SLIT3: variants seen among roughly 807,000 people sequenced by gnomAD.
The protein encoded by SLIT3 is slit homolog 3 protein.
In SLIT3, 68 loss-of-function variants were observed where a neutral mutation model predicts 184.0. The observed-to-expected ratio is 0.37, with a 90% CI of 0.30 to 0.45. SLIT3 has a LOEUF of 0.45. SLIT3 is among the 20% of genes least tolerant of loss of function. The pLI is 1.00. For synonymous variants in SLIT3, 831 were observed against 828.6 expected, an observed-to-expected ratio of 1.00 and a Z score of -0.05; for missense variants, 1,707 against 2,026.0, an observed-to-expected ratio of 0.84 and a Z score of 3.02.
intron 20 of SLIT3, among the ~76,000 whole-genome samples, chr5:168,728,709 A>T (rs1183053554): frequency 6.6e-6 from 1 of 152,114 alleles, no homozygotes; most frequent in Non-Finnish European, 1.5e-5. Flanking sequence ...GCTTGAGCCC[A>T]GGAATTTGAG....
intron 4 of SLIT3, among the ~76,000 whole-genome samples, chr5:169,071,014 C>T (rs1423930763): frequency 7.2e-5 from 11 of 152,170 alleles, no homozygotes; most frequent in African/African-American, 2.4e-4. Flanking sequence ...TTCCCCACCT[C>T]CTAGCTGTGG....
chr5:168,851,713 G>C (rs1397835691), intron 5 of SLIT3, among the ~76,000 whole-genome samples: 1 of 152,150 alleles, frequency 6.6e-6, no homozygotes, highest in African/African-American at 2.4e-5. Flanking sequence ...TCCTGTGTTC[G>C]ATCCTGGGAA....
chr5:169,171,454 G>A (rs570472094), intron 4 of SLIT3, among the ~76,000 whole-genome samples: 2 of 152,200 alleles, frequency 1.3e-5, no homozygotes, highest in Non-Finnish European at 2.9e-5. Context: ...AGTGTCTGTT[G>A]CAAGTTTCCT....
At chr5:168,828,745 G>A (rs1757785351) in intron 6 of SLIT3, among the ~76,000 whole-genome samples, 2 of 151,562 alleles carry the variant, frequency 1.3e-5, no homozygotes, top group Admixed American at 1.3e-4. Context: ...ATATGCTCAA[G>A]CCCCTACTGA....
intron 6 of SLIT3, among the ~76,000 whole-genome samples, chr5:168,833,677 C>G (rs1186343538): frequency 6.6e-6 from 1 of 152,226 alleles, no homozygotes; most frequent in Non-Finnish European, 1.5e-5. Flanking sequence ...GCTTCACTTA[C>G]TATTGTTTCC....
At chr5:168,886,108 A>T (rs1040467244) in intron 4 of SLIT3, among the ~76,000 whole-genome samples, 12 of 152,362 alleles carry the variant, frequency 7.9e-5, no homozygotes, top group Non-Finnish European at 1.5e-4. Context: ...TGAGCAAAAC[A>T]GTAGATTGTA....
chr5:168,774,456 T>C, intron 12 of SLIT3, 78 bp from the exon 13 acceptor site: 1 of 1,450,036 alleles, frequency 6.9e-7, no homozygotes, highest in Non-Finnish European at 9.4e-7. Flanking sequence ...CTGCAGGGGA[T>C]GGGCTGCAAA....
At chr5:168,670,419 T>C (rs1445451069) in intron 34 of SLIT3, among the ~76,000 whole-genome samples, 1 of 152,204 alleles carries the variant, frequency 6.6e-6, no homozygotes, top group African/African-American at 2.4e-5. Context: ...CCAGTATTGC[T>C]CTGAATTTCC....
chr5:169,208,946 T>C (rs1372869073), intron 3 of SLIT3, among the ~76,000 whole-genome samples: 1 of 152,138 alleles, frequency 6.6e-6, no homozygotes. Flanking sequence ...AAAGCCAAAA[T>C]TGACAAATGG....
chr5:168,758,359 G>C (rs1257711710), intron 16 of SLIT3, among the ~76,000 whole-genome samples: 7 of 152,236 alleles, frequency 4.6e-5, no homozygotes, highest in Non-Finnish European at 8.8e-5. Flanking sequence ...CAGAAGCAAA[G>C]ACTAGCAGAT....
At chr5:168,899,366 T>C (rs1760788936) in intron 4 of SLIT3, among the ~76,000 whole-genome samples, 1 of 152,168 alleles carries the variant, frequency 6.6e-6, no homozygotes, top group South Asian at 2.1e-4. Flanking sequence ...AAATAAAAAA[T>C]AGCCGGGCAT....
intron 1 of SLIT3, among the ~76,000 whole-genome samples, chr5:169,278,903 C>G (rs6889558): frequency 6.6e-6 from 1 of 152,136 alleles, no homozygotes; most frequent in South Asian, 2.1e-4. Flanking sequence ...ACAGATGACA[C>G]TGGAGTTGGT....
intron 4 of SLIT3, among the ~76,000 whole-genome samples, chr5:168,887,743 T>C (rs1352924967): frequency 6.6e-6 from 1 of 152,150 alleles, no homozygotes; most frequent in Non-Finnish European, 1.5e-5. Flanking sequence ...CAGCTTGTAG[T>C]GCTCTGCAGA....
Position 169,197,967 on chromosome 5 carries a change from T to G in SLIT3, c.342-4417A>C, listed in dbSNP as rs116121232. 9.2e-3 allele frequency among the ~76,000 whole-genome samples: 1,395 copies of G among 152,318 alleles called. 10 individuals carry two copies. Among genetic ancestry groups the G allele is most frequent in the Non-Finnish European group, 0.014 (923 of 68,026 alleles). On this transcript the variant is annotated intron_variant, in intron 3 of 35. Transcript: ENST00000519560. ...AGATATAAATAGAAGTTTTTGCCAC[T>G]TCATCGAACCCATCCATGTATCCAT...
chr5:168,970,435 C>T (rs1754531548), intron 4 of SLIT3, among the ~76,000 whole-genome samples: 2 of 150,576 alleles, frequency 1.3e-5, no homozygotes, highest in Admixed American at 1.3e-4. Context: ...GCGGAGGTTG[C>T]AGTGAGCTGA....
intron 3 of SLIT3, among the ~76,000 whole-genome samples, chr5:169,244,394 G>A (rs1481763776): frequency 6.6e-6 from 1 of 152,136 alleles, no homozygotes; most frequent in South Asian, 2.1e-4. Context: ...TCCGTGGAAG[G>A]GAAGGTTTAC....
chr5:169,279,892 C>T (rs1766938268), intron 1 of SLIT3, among the ~76,000 whole-genome samples: 1 of 152,198 alleles, frequency 6.6e-6, no homozygotes, highest in African/African-American at 2.4e-5. Context: ...ATTAAGAAAT[C>T]ACAAAGTGCT....
chr5:169,206,250 G>A (rs1045798462), intron 3 of SLIT3, among the ~76,000 whole-genome samples: 13 of 152,254 alleles, frequency 8.5e-5, no homozygotes, highest in Admixed American at 8.5e-4. Context: ...ATTTCTATGA[G>A]GAATTAAGAG....
At chr5:168,709,701 A>G (rs1762488829) in intron 25 of SLIT3, among the ~76,000 whole-genome samples, 1 of 152,252 alleles carries the variant, frequency 6.6e-6, no homozygotes, top group Admixed American at 6.5e-5. Context: ...GTGTATCTAT[A>G]TATCAAAATA....
Sources: allele counts gnomAD v4.1 joint callset (sites outside exome capture counted in the v4.1 genomes callset), GRCh38; gene constraint gnomAD v4.1.1; transcripts MANE v1.5; gene names NCBI Gene and HGNC (gene_info 2026-07-23, HGNC 2026-07-21).